CCDC3: variants seen among roughly 807,000 people sequenced by gnomAD.
CCDC3 encodes the protein coiled-coil domain-containing protein 3.
Under a neutral mutation model 21.4 loss-of-function variants are expected in CCDC3, and 24 were observed. The ratio of observed to expected loss-of-function variants is 1.12; its 90% CI spans 0.81 to 1.58. The LOEUF (loss-of-function observed/expected upper bound fraction) is 1.58. CCDC3 is among the 40% of genes most tolerant of loss of function. The pLI is 0.00. For synonymous variants in CCDC3, 186 were observed against 166.0 expected (o/e 1.12, Z -0.93); for missense variants, 425 against 360.9 (o/e 1.18, Z -1.44).
chr10:12,998,360 C>T lies in CCDC3; in HGVS notation c.527G>A (p.Trp176Ter). 1 of 1,614,080 alleles carries T rather than the reference C, an allele frequency of 6.2e-7. No homozygotes were observed. Among genetic ancestry groups the T allele is most frequent in the Non-Finnish European group, 8.5e-7 (1 of 1,179,998 alleles). ...GQQLATFSSD[W>*]EIQEDSRLMC... ...TACCCTACTGTCTTCCTGGATTTCC[C>T]AGTCACTGGAGAAAGTCGCCAGCTG... Residue 176 changes from tryptophan (W) to a stop codon, truncating the protein, a stop_gained, in exon 2 of 3, where the codon TGG (tryptophan) becomes TAG (stop). Transcript: ENST00000378825. LOFTEE classifies it high-confidence loss of function.
chr10:13,096,566 G>A (rs1029197334), intron 3 of CCDC3, among the ~76,000 whole-genome samples: 3 of 152,100 alleles, frequency 2.0e-5, no homozygotes, highest in Non-Finnish European at 4.4e-5. Flanking sequence ...CCTTCCCTAC[G>A]GCCATGCAAA....
chr10:12,972,099 G>A (rs1398518268), intron 2 of CCDC3, among the ~76,000 whole-genome samples: 4 of 152,110 alleles, frequency 2.6e-5, no homozygotes, highest in South Asian at 2.1e-4. Context: ...CTAGCACACT[G>A]CTGCGTGCAG....
intron 1 of CCDC3, among the ~76,000 whole-genome samples, chr10:13,000,043 T>C (rs940246512): frequency 3.3e-5 from 5 of 152,248 alleles, no homozygotes; most frequent in African/African-American, 1.2e-4. Context: ...TGTGTTGCCA[T>C]GCACTTACAA....
At chr10:12,996,116 G>A (rs1232327314) in intron 2 of CCDC3, among the ~76,000 whole-genome samples, 2 of 152,152 alleles carry the variant, frequency 1.3e-5, no homozygotes, top group South Asian at 2.1e-4. Flanking sequence ...AGTATGACTC[G>A]GGCTTGGGAT....
At chr10:13,041,517 T>A (rs1836455240) in intron 5 of CCDC3, among the ~76,000 whole-genome samples, 2 of 68,172 alleles carry the variant, frequency 2.9e-5, no homozygotes, top group South Asian at 1.1e-3. Context: ...TTTTTTTTTT[T>A]TTTTTTTTTT....
chr10:12,988,278 G>T (rs1318303592), intron 2 of CCDC3, among the ~76,000 whole-genome samples: 1 of 152,106 alleles, frequency 6.6e-6, no homozygotes, highest in Non-Finnish European at 1.5e-5. Context: ...ATCTTTGTAT[G>T]GCTGGTTCTG....
intron 2 of CCDC3, among the ~76,000 whole-genome samples, chr10:12,922,003 TAC>T (rs1289004628): frequency 3.2e-4 from 49 of 152,306 alleles, no homozygotes; most frequent in African/African-American, 1.0e-3. Context: ...GTGCTGGGAT[TAC>T]AGTCATGAGC....
intron 2 of CCDC3, among the ~76,000 whole-genome samples, chr10:12,938,320 C>T (rs1834771204): frequency 6.7e-6 from 1 of 148,746 alleles, no homozygotes. Context: ...CTTTTAGCCC[C>T]CAGTCCTCTT....
chr10:12,932,906 CTATT>C (rs1451887174), intron 2 of CCDC3, among the ~76,000 whole-genome samples: 4 of 152,298 alleles, frequency 2.6e-5, no homozygotes, highest in African/African-American at 9.6e-5. Flanking sequence ...TTTTCTCCAT[CTATT>C]GATATGATCA....
intron 5 of CCDC3, among the ~76,000 whole-genome samples, chr10:13,027,118 A>G (rs1836228636): frequency 1.3e-5 from 2 of 152,178 alleles, no homozygotes; most frequent in African/African-American, 2.4e-5. Flanking sequence ...ACTTGAAAAC[A>G]AAACCTCTGA....
intron 2 of CCDC3, among the ~76,000 whole-genome samples, chr10:12,944,653 C>G (rs72777414): frequency 5.4e-4 from 83 of 152,294 alleles, no homozygotes; most frequent in Non-Finnish European, 1.0e-3. Context: ...GCAAAATAAA[C>G]CTATAAATTG....
intron 3 of CCDC3, among the ~76,000 whole-genome samples, chr10:13,091,942 C>T (rs1230667909): frequency 3.4e-4 from 52 of 151,984 alleles, no homozygotes; most frequent in Non-Finnish European, 1.0e-4. Flanking sequence ...AAAGATGCCA[C>T]CTGAAATTGA....
intron 2 of CCDC3, among the ~76,000 whole-genome samples, chr10:12,964,819 G>A (rs1835237616): frequency 6.6e-6 from 1 of 152,180 alleles, no homozygotes; most frequent in Non-Finnish European, 1.5e-5. Flanking sequence ...AGGCATTAGG[G>A]AGTAAAGTTT....
chr10:12,957,728 A>G (rs1337510559), intron 2 of CCDC3, among the ~76,000 whole-genome samples: 1 of 152,114 alleles, frequency 6.6e-6, no homozygotes, highest in Admixed American at 6.5e-5. Flanking sequence ...GCTGCCCTTT[A>G]CTTTCTGCCA....
intron 4 of CCDC3, among the ~76,000 whole-genome samples, chr10:13,052,294 G>A (rs1204877098): frequency 6.6e-6 from 1 of 151,928 alleles, no homozygotes; most frequent in African/African-American, 2.4e-5. Context: ...GATCGCTCAA[G>A]CCCAGGAGTT....
In CCDC3 at chr10:13,001,683, G is replaced by T; in HGVS notation, c.-113C>A. 2 of 693,948 alleles carry T rather than the reference G, an allele frequency of 2.9e-6. No homozygotes were observed. Among genetic ancestry groups the T allele is most frequent in the Non-Finnish European group, 3.6e-6 (2 of 554,872 alleles). The allele number at this position is 693,948 out of a possible 1,614,324, so 43.0% of individuals were successfully genotyped here. ...CTCGGGCCGCTCCCGGGAGCTGAGC[G>T]CACCGCTGTCTCCGCCACGGGGCTC... On this transcript the variant is annotated 5_prime_UTR_variant, in exon 1 of 3. Coordinates refer to ENST00000378825, the MANE Select transcript of CCDC3 (RefSeq NM_031455.4).
At chr10:12,951,808 A>AAAAAAAG (rs1835013067) in intron 2 of CCDC3, among the ~76,000 whole-genome samples, 1 of 149,716 alleles carries the variant, frequency 6.7e-6, no homozygotes, top group South Asian at 2.1e-4. Flanking sequence ...TCATCTCAAA[A>AAAAAAAG]AAAAAAAAAA....
intron 2 of CCDC3, among the ~76,000 whole-genome samples, chr10:12,995,293 G>A (rs919596318): frequency 6.6e-6 from 1 of 152,136 alleles, no homozygotes. Context: ...CCAGACTGGA[G>A]TGCAGTGGCA....
Position 13,042,083 on chromosome 10 carries a change from G to A in CCDC3, c.-2+7591C>T, listed in dbSNP as rs183884089. Among the ~76,000 whole-genome samples the A allele has an allele frequency of 2.4e-3, 364 of 152,328 alleles. 2 individuals are homozygous for A. Among genetic ancestry groups the A allele is most frequent in the Non-Finnish European group, 3.6e-3 (246 of 68,026 alleles). ...GACTCTCCAGAAACAATGAGATGTCGTGGATGAAACATAGAGTTTGAAGAC... is the reference window on the plus strand; with the variant it reads ...GACTCTCCAGAAACAATGAGATGTCATGGATGAAACATAGAGTTTGAAGAC... On this transcript the variant is annotated intron_variant, in intron 5 of 6. Transcript: ENST00000378839.
Sources: allele counts gnomAD v4.1 joint callset (sites outside exome capture counted in the v4.1 genomes callset), GRCh38; gene constraint gnomAD v4.1.1; transcripts MANE v1.5; gene names NCBI Gene and HGNC (gene_info 2026-07-23, HGNC 2026-07-21).